Variants in FCHO2 observed in about 807,000 individuals in gnomAD.
The protein encoded by FCHO2 is F-BAR domain only protein 2.
Under a neutral mutation model 114.1 loss-of-function variants are expected in FCHO2, and 43 were observed. That is an observed-to-expected ratio of 0.38 (90% CI 0.30 to 0.49). FCHO2 has a LOEUF of 0.49. Among genes scored for constraint, FCHO2 ranks in the 20% least tolerant of loss-of-function variants. The pLI, the probability that FCHO2 is intolerant of heterozygous loss-of-function variation, is 0.97. For missense variants in FCHO2, 807 were observed against 950.4 expected (o/e 0.85, Z 1.98); for synonymous variants, 293 against 315.2 (o/e 0.93, Z 0.75).
Position 73,070,591 on chromosome 5 carries a change from TTTAGA to T in FCHO2, c.1579+1816_1579+1820del, listed in dbSNP as rs567014848. Among the ~76,000 whole-genome samples the T allele has an allele frequency of 2.4e-4, 37 of 151,578 alleles. No individual in the cohort carries two copies. The South Asian group carries it at 7.3e-3, about 30-fold the overall frequency. On this transcript the variant is annotated intron_variant, in intron 19 of 25. Coordinates refer to ENST00000430046, the MANE Select transcript of FCHO2 (RefSeq NM_138782.3). ...TTTTTTTTTTTTTTTTCCAGTTATCTTTAGATTATTCAGGAGGTTTTGTGTTTGTG... is the reference window on the plus strand; with the variant it reads ...TTTTTTTTTTTTTTTTCCAGTTATCTTTATTCAGGAGGTTTTGTGTTTGTG...
intron 24 of FCHO2, among the ~76,000 whole-genome samples, chr5:73,084,586 A>G (rs953256458): frequency 3.3e-5 from 5 of 152,042 alleles, no homozygotes; most frequent in Non-Finnish European, 7.4e-5. Flanking sequence ...TAACTCCTCT[A>G]TTTGATAGGT....
At chr5:72,970,324 A>G (rs529259300) in intron 2 of FCHO2, among the ~76,000 whole-genome samples, 2 of 152,364 alleles carry the variant, frequency 1.3e-5, no homozygotes, top group Non-Finnish European at 2.9e-5. Flanking sequence ...AAAACTGCAT[A>G]CATAGTACAA....
intron 2 of FCHO2, among the ~76,000 whole-genome samples, chr5:72,978,628 A>G (rs1753010338): frequency 6.6e-6 from 1 of 152,188 alleles, no homozygotes; most frequent in East Asian, 1.9e-4. Context: ...TGCCCTGGCT[A>G]GAACTTCCAA....
In FCHO2 at chr5:73,077,458, A is replaced by G. The variant is rs550950233; in HGVS notation, c.1812A>G (p.Leu604=). ...TCAGGGTGAAAAATATCAGCAGACT[A>G]GAGCAGATTCTTCCAAATGCACAGC... ...LCFRVKNISR[L]EQILPNAQLV... Residue 604 remains leucine (L), a synonymous_variant, in exon 21 of 26, where the codon CTA becomes CTG. Coordinates refer to ENST00000430046, the MANE Select transcript of FCHO2 (RefSeq NM_138782.3). 1.6e-5 allele frequency: 25 copies of G among 1,603,430 alleles called. No individual in the cohort carries two copies. The African/African-American group carries it at 1.6e-4, about 10-fold the overall frequency.
Position 73,006,528 on chromosome 5 carries a change from G to A in FCHO2, c.579G>A (p.Gln193=). 6.4e-7 allele frequency: 1 copy of A among 1,564,946 alleles called. No homozygotes were observed. The highest frequency in any genetic ancestry group is 8.6e-7 in the Non-Finnish European group (1 of 1,159,114). The change falls in exon 6 of 26, where the codon CAG becomes CAA. Residue 193 remains glutamine, a synonymous_variant. Transcript: ENST00000430046. ...CATTAGCAAAAGCTGATTTCGAACA[G>A]AAAATGACAGAAACAGCTCAGGTTG... ...KYALAKADFE[Q]KMTETAQKFQ...
At chr5:73,078,741 T>A (rs1042653890) in intron 22 of FCHO2, among the ~76,000 whole-genome samples, 1 of 152,190 alleles carries the variant, frequency 6.6e-6, no homozygotes, top group African/African-American at 2.4e-5. Flanking sequence ...AAAATTATTA[T>A]TGCTTACAGG....
At chr5:73,039,182 C>G (rs1403149308) in intron 10 of FCHO2, among the ~76,000 whole-genome samples, 1 of 152,182 alleles carries the variant, frequency 6.6e-6, no homozygotes, top group Non-Finnish European at 1.5e-5. Context: ...ATTCACTTTG[C>G]CTGAAATGCC....
chr5:73,043,135 T>C (rs1487469287), intron 11 of FCHO2, among the ~76,000 whole-genome samples: 1 of 152,002 alleles, frequency 6.6e-6, no homozygotes, highest in Non-Finnish European at 1.5e-5. Context: ...TGGGGTTGTG[T>C]TGCCCAGGCT....
chr5:73,062,788 T>C (rs577382230), intron 17 of FCHO2, among the ~76,000 whole-genome samples: 28 of 152,168 alleles, frequency 1.8e-4, no homozygotes, highest in Non-Finnish European at 3.4e-4. Context: ...CTATGCACCT[T>C]CCTTTCATGC....
At chr5:73,039,353 T>C (rs1756689454) in intron 10 of FCHO2, among the ~76,000 whole-genome samples, 1 of 152,224 alleles carries the variant, frequency 6.6e-6, no homozygotes, top group Non-Finnish European at 1.5e-5. Context: ...CCCCAATGAC[T>C]GGAGTGTTTT....
intron 2 of FCHO2, among the ~76,000 whole-genome samples, chr5:72,980,411 A>AT (rs1362380310): frequency 6.6e-6 from 1 of 152,166 alleles, no homozygotes; most frequent in Non-Finnish European, 1.5e-5. Context: ...GCTGAGAAGA[A>AT]TGTATATTCT....
intron 17 of FCHO2, among the ~76,000 whole-genome samples, chr5:73,061,495 G>A (rs904217691): frequency 1.3e-5 from 2 of 151,914 alleles, no homozygotes; most frequent in Non-Finnish European, 2.9e-5. Flanking sequence ...TTGTAGAGCA[G>A]AGTAGGAACT....
At chr5:73,061,008 A>AC (rs1020486878) in intron 17 of FCHO2, among the ~76,000 whole-genome samples, 1 of 67,938 alleles carries the variant, frequency 1.5e-5, no homozygotes, top group Non-Finnish European at 3.6e-5. Flanking sequence ...TTGTGCTCAC[A>AC]AAAAAAAAAA....
chr5:73,055,953 C>T (rs1434679708), intron 15 of FCHO2, 112 bp from the exon 16 acceptor site: 1 of 680,314 alleles, frequency 1.5e-6, no homozygotes, highest in East Asian at 3.2e-5. Flanking sequence ...ATTATCAATT[C>T]CAAAATTTTT....
intron 5 of FCHO2, 129 bp downstream of exon 5, chr5:72,990,993 G>A (rs1346915059): frequency 2.0e-6 from 2 of 1,008,702 alleles, no homozygotes; most frequent in Non-Finnish European, 2.8e-6. Flanking sequence ...TACAGTCCTA[G>A]TGATTACCCA....
intron 17 of FCHO2, among the ~76,000 whole-genome samples, chr5:73,060,939 C>T (rs998362472): frequency 1.3e-5 from 2 of 151,286 alleles, no homozygotes; most frequent in African/African-American, 4.9e-5. Flanking sequence ...TTACGCCTAC[C>T]TCCCCTTTGT....
intron 14 of FCHO2, 146 bp downstream of exon 14, chr5:73,054,317 CATT>C (rs1412613125): frequency 6.9e-6 from 6 of 875,680 alleles, no homozygotes; most frequent in African/African-American, 3.4e-5. Context: ...ATTTTAAAAA[CATT>C]AGGTGTTAAA....
At chr5:73,044,794 G>A (rs1309973933) in intron 11 of FCHO2, among the ~76,000 whole-genome samples, 1 of 150,954 alleles carries the variant, frequency 6.6e-6, no homozygotes, top group East Asian at 1.9e-4. Flanking sequence ...TTTTTAAATT[G>A]CCACCACTAC....
intron 21 of FCHO2, among the ~76,000 whole-genome samples, chr5:73,077,797 C>G (rs1742962583): frequency 6.6e-6 from 1 of 152,108 alleles, no homozygotes. Context: ...TTGCAGTGAG[C>G]CAAGATCGTG....
Sources: gnomAD v4.1 joint callset for allele counts (sites outside exome capture counted in the v4.1 genomes callset) on GRCh38, gnomAD v4.1.1 for gene constraint, MANE v1.5 for transcripts, NCBI Gene and HGNC (gene_info 2026-07-23, HGNC 2026-07-21) for gene names.